The following NRG2 variants were observed in gnomAD, a reference collection of about 807,000 sequenced individuals.
The protein encoded by NRG2 is neuregulin 2.
In NRG2, 27 loss-of-function variants were observed where a neutral mutation model predicts 73.9. That is an observed-to-expected ratio of 0.37 (90% CI 0.27 to 0.50). The LOEUF is 0.50. Among genes scored for constraint, NRG2 ranks in the 20% least tolerant of loss-of-function variants. NRG2 has a pLI of 0.96. For missense variants in NRG2, 1,126 were observed against 1,210.1 expected (o/e 0.93, Z 1.03); for synonymous variants, 532 against 541.0 (o/e 0.98, Z 0.23).
At position 139,903,431 on chromosome 5, in the gene NRG2, C is replaced by T. The variant is rs1378879444; in HGVS notation, c.701-15920G>A. ...TCGTACAAAACACATAAAATTAGCA[C>T]AAAATTAACAAAACGCTTGCCTGAA... On this transcript the variant is annotated intron_variant, in intron 1 of 9. Coordinates refer to ENST00000361474, the MANE Select transcript of NRG2 (RefSeq NM_004883.3). Among the ~76,000 whole-genome samples, 5 of 152,302 alleles carry T rather than the reference C, an allele frequency of 3.3e-5. No homozygotes were observed. The East Asian group carries it at 9.6e-4, about 29-fold the overall frequency.
At chr5:139,908,819 G>A (rs113393714) in intron 1 of NRG2, among the ~76,000 whole-genome samples, 1 of 152,326 alleles carries the variant, frequency 6.6e-6, no homozygotes, top group East Asian at 1.9e-4. Context: ...AGAGAGTCAC[G>A]AGGCACCCTG....
At chr5:139,883,086 C>T (rs1407603287) in intron 2 of NRG2, among the ~76,000 whole-genome samples, 1 of 152,104 alleles carries the variant, frequency 6.6e-6, no homozygotes, top group Non-Finnish European at 1.5e-5. Context: ...GAGTCACCAC[C>T]TTCTCCCTCC....
rs1561635978 is a variant in NRG2, at chr5:139,865,132, G to T, written c.1189+417C>A. 14 of 1,613,788 alleles carry T rather than the reference G, an allele frequency of 8.7e-6. No homozygotes were observed. The highest frequency in any genetic ancestry group is 1.2e-5 in the Non-Finnish European group (14 of 1,179,698). On this transcript the variant is annotated intron_variant, in intron 5 of 9. Transcript: ENST00000361474. The surrounding 1 kb of genome is among the most constrained non-coding windows in gnomAD (Gnocchi z 5.2). The stretch of plus-strand genomic sequence containing the variant: ...AGACATACTGGAGAAGTTGACCATT[G>T]CGAACTGCTGACACCTGTCCCCGGT...
In NRG2 at chr5:139,859,787, C is replaced by T. The variant is rs568286849; in HGVS notation, c.1190-4009G>A. On this transcript the variant is annotated intron_variant, in intron 5 of 9. Coordinates refer to ENST00000361474, the MANE Select transcript of NRG2 (RefSeq NM_004883.3). ...AGAGATTTTTGGAATCATCCCTTTT[C>T]CATTTTTTGGAAAGGAAACCAAACA... 92 of 1,253,964 alleles carry T rather than the reference C, an allele frequency of 7.3e-5. No homozygotes were observed. The South Asian group carries it at 8.0e-4, about 11-fold the overall frequency. 77.7% of individuals were successfully genotyped at this position (1,253,964 alleles called of 1,614,324 possible). A position where few individuals can be genotyped will look rare whatever the true frequency, so the allele number is the denominator to read the frequency against.
chr5:140,036,303 T>C (rs1277919371), intron 1 of NRG2, among the ~76,000 whole-genome samples: 1 of 152,222 alleles, frequency 6.6e-6, no homozygotes, highest in Non-Finnish European at 1.5e-5. Flanking sequence ...TCACACTCCA[T>C]AAGTGCAAAT....
intron 1 of NRG2, among the ~76,000 whole-genome samples, chr5:139,911,933 T>C (rs569962305): frequency 1.4e-4 from 22 of 152,252 alleles, no homozygotes; most frequent in African/African-American, 5.1e-4. Context: ...CTGGGGACCA[T>C]GAGCAAGGCC....
intron 6 of NRG2, among the ~76,000 whole-genome samples, chr5:139,854,508 C>T (rs558468600): frequency 7.9e-5 from 12 of 152,348 alleles, no homozygotes; most frequent in East Asian, 3.9e-4. Context: ...GCAGGACAGG[C>T]GGCTTGCTTT....
At chr5:140,005,982 G>A (rs534484512) in intron 1 of NRG2, among the ~76,000 whole-genome samples, 41 of 152,270 alleles carry the variant, frequency 2.7e-4, no homozygotes, top group African/African-American at 6.7e-4. Flanking sequence ...TACCAAAGAC[G>A]TCTAGGTCAA....
At chr5:139,926,383 GCAGTGCACA>G (rs1752062381) in intron 1 of NRG2, among the ~76,000 whole-genome samples, 2 of 152,168 alleles carry the variant, frequency 1.3e-5, no homozygotes, top group Admixed American at 6.5e-5. Context: ...TCTGCAGGGA[GCAGTGCACA>G]CACAGTACAC....
At chr5:139,918,033 G>A (rs897363968) in intron 1 of NRG2, among the ~76,000 whole-genome samples, 3 of 152,108 alleles carry the variant, frequency 2.0e-5, no homozygotes, top group Non-Finnish European at 4.4e-5. Flanking sequence ...AGTTCTTACT[G>A]TTAAGTCTTT....
intron 1 of NRG2, among the ~76,000 whole-genome samples, chr5:139,951,513 A>T (rs1486390599): frequency 6.6e-6 from 1 of 152,166 alleles, no homozygotes; most frequent in Non-Finnish European, 1.5e-5. Context: ...GGAATATTCC[A>T]TCTGCTGGGG....
intron 1 of NRG2, among the ~76,000 whole-genome samples, chr5:140,021,604 A>G (rs1760232771): frequency 6.6e-6 from 1 of 152,198 alleles, no homozygotes; most frequent in African/African-American, 2.4e-5. Context: ...TGCAACAACA[A>G]CATGAGCATG....
At chr5:139,965,474 C>T (rs988156278) in intron 1 of NRG2, among the ~76,000 whole-genome samples, 1 of 152,254 alleles carries the variant, frequency 6.6e-6, no homozygotes, top group African/African-American at 2.4e-5. Flanking sequence ...TCCTCCTGAA[C>T]AGGGATGGCA....
At chr5:140,029,628 C>T (rs1273330553) in intron 1 of NRG2, among the ~76,000 whole-genome samples, 1 of 145,044 alleles carries the variant, frequency 6.9e-6, no homozygotes, top group African/African-American at 2.6e-5. Flanking sequence ...GCGGAGGTTG[C>T]AGTGAGCTGA....
chr5:139,953,632 G>T (rs1165746124), intron 1 of NRG2, among the ~76,000 whole-genome samples: 1 of 152,144 alleles, frequency 6.6e-6, no homozygotes, highest in African/African-American at 2.4e-5. Flanking sequence ...AAGGTACAGT[G>T]GTCACAACAG....
chr5:139,920,112 T>C (rs1240866085), intron 1 of NRG2, among the ~76,000 whole-genome samples: 29 of 152,206 alleles, frequency 1.9e-4, no homozygotes, highest in Non-Finnish European at 4.4e-5. Context: ...TAAAGACGTA[T>C]AGACTATATC....
intron 5 of NRG2, chr5:139,861,683 C>T: frequency 5.9e-6 from 3 of 506,474 alleles, no homozygotes; most frequent in South Asian, 4.4e-5. Context: ...GCCGTAAGTA[C>T]AGTTTGTCCA....
At chr5:139,889,953 C>CTAT (rs553993829) in intron 1 of NRG2, among the ~76,000 whole-genome samples, 26 of 152,172 alleles carry the variant, frequency 1.7e-4, no homozygotes, top group South Asian at 1.2e-3. Flanking sequence ...CAAAGGTTAG[C>CTAT]TATTATTATT....
chr5:140,006,657 C>T (rs1335577570), intron 1 of NRG2, among the ~76,000 whole-genome samples: 1 of 152,018 alleles, frequency 6.6e-6, no homozygotes, highest in African/African-American at 2.4e-5. Flanking sequence ...AAGATATGAT[C>T]CTGATTTGGT....
Sources: gnomAD v4.1 joint callset for allele counts (sites outside exome capture counted in the v4.1 genomes callset) on GRCh38, gnomAD v4.1.1 for gene constraint, Gnocchi (gnomAD v3.1) non-coding constraint, MANE v1.5 for transcripts, NCBI Gene and HGNC (gene_info 2026-07-23, HGNC 2026-07-21) for gene names.